PRKN: variants seen among roughly 807,000 people sequenced by gnomAD.
PRKN encodes the protein E3 ubiquitin-protein ligase parkin.
Under a neutral mutation model 59.5 loss-of-function variants are expected in PRKN, and 56 were observed. That is an observed-to-expected ratio of 0.94 (90% confidence interval 0.76 to 1.18). The LOEUF is 1.18. PRKN is among the 50% of genes most tolerant of loss of function. The pLI, the probability that PRKN is intolerant of heterozygous loss-of-function variation, is 0.00. For missense variants in PRKN, 657 were observed against 596.4 expected (o/e 1.10, Z -1.06); for synonymous variants, 250 against 222.1 (o/e 1.13, Z -1.12).
intron 6 of PRKN, among the ~76,000 whole-genome samples, chr6:161,875,914 T>G (rs917133856): frequency 6.6e-6 from 1 of 152,102 alleles, no homozygotes; most frequent in South Asian, 2.1e-4. Flanking sequence ...GGTGCCGTTA[T>G]GTAACCCATG....
At chr6:161,685,947 T>C (rs1175442914) in intron 7 of PRKN, among the ~76,000 whole-genome samples, 2 of 152,178 alleles carry the variant, frequency 1.3e-5, no homozygotes, top group Admixed American at 1.3e-4. Context: ...TGGCTCATCA[T>C]ATGTTTCCAA....
rs75053028 is a variant in PRKN, at chr6:162,406,232, C to G, written c.171+37078G>C. 2.2e-3 allele frequency among the ~76,000 whole-genome samples: 328 copies of G among 152,274 alleles called. 5 individuals carry two copies. The highest frequency in any genetic ancestry group is 0.015 in the East Asian group (80 of 5,170). ...GTTATTCCAAATGGACAGATGTGGA[C>G]ACTAAAACAGAGAGGTAAATTTTGA... On this transcript the variant is annotated intron_variant, in intron 2 of 11. Coordinates refer to ENST00000366898, the MANE Select transcript of PRKN (RefSeq NM_004562.3).
chr6:161,703,069 A>G (rs529938343), intron 7 of PRKN, among the ~76,000 whole-genome samples: 1 of 152,020 alleles, frequency 6.6e-6, no homozygotes, highest in East Asian at 1.9e-4. Context: ...AAAATGGATA[A>G]AAAGCAGGAG....
chr6:162,365,086 A>G (rs57709573), intron 2 of PRKN, among the ~76,000 whole-genome samples: 5 of 151,278 alleles, frequency 3.3e-5, no homozygotes, highest in African/African-American at 9.7e-5. Flanking sequence ...TTTTTTTACA[A>G]TCAGGAGTAT....
In PRKN at chr6:162,300,653, G is replaced by A. The variant is rs1052808796; in HGVS notation, c.172-37888C>T. Among the ~76,000 whole-genome samples the A allele has an allele frequency of 3.3e-5, 5 of 152,018 alleles. No homozygotes were observed. In the East Asian group the frequency reaches 7.7e-4, roughly 23 times the overall value. On this transcript the variant is annotated intron_variant, in intron 2 of 11. Coordinates refer to ENST00000366898, the MANE Select transcript of PRKN (RefSeq NM_004562.3). The stretch of plus-strand genomic sequence containing the variant: ...CACTTCTCTAAAGTTAACCTTTATC[G>A]GGCAAGCTCAGTCACTCAAGAAAGA...
At chr6:161,988,949 T>C (rs1028737062) in intron 5 of PRKN, among the ~76,000 whole-genome samples, 1 of 152,232 alleles carries the variant, frequency 6.6e-6, no homozygotes, top group Non-Finnish European at 1.5e-5. Flanking sequence ...GCTTTATCTT[T>C]TTTTTATACT....
intron 6 of PRKN, among the ~76,000 whole-genome samples, chr6:161,897,793 C>A (rs978508642): frequency 7.1e-6 from 1 of 141,662 alleles, no homozygotes; most frequent in South Asian, 2.4e-4. Flanking sequence ...CAAGGTGAAA[C>A]CCCGTCTCTA....
intron 7 of PRKN, among the ~76,000 whole-genome samples, chr6:161,634,488 C>T (rs1371045529): frequency 2.0e-5 from 3 of 152,212 alleles, no homozygotes; most frequent in South Asian, 2.1e-4. Context: ...CAACTTGCTG[C>T]AGGTCACACA....
chr6:161,966,432 C>G (rs1780583233), intron 6 of PRKN, among the ~76,000 whole-genome samples: 1 of 152,086 alleles, frequency 6.6e-6, no homozygotes, highest in African/African-American at 2.4e-5. Context: ...GAGGGTGAGC[C>G]CCAAGACACA....
intron 9 of PRKN, among the ~76,000 whole-genome samples, chr6:161,519,338 T>A (rs972583688): frequency 6.6e-6 from 1 of 152,168 alleles, no homozygotes; most frequent in African/African-American, 2.4e-5. Context: ...TTGCTCTGAA[T>A]GAGGAGACAG....
chr6:161,666,856 G>T (rs1582973476), intron 7 of PRKN, among the ~76,000 whole-genome samples: 1 of 152,124 alleles, frequency 6.6e-6, no homozygotes, highest in Admixed American at 6.5e-5. Context: ...TTTGCTGGCA[G>T]ACACTCAGCA....
At chr6:161,408,317 T>TAAA (rs35131999) in intron 9 of PRKN, among the ~76,000 whole-genome samples, 6 of 99,518 alleles carry the variant, frequency 6.0e-5, no homozygotes, top group African/African-American at 1.7e-4. Flanking sequence ...GAAAAACTGG[T>TAAA]AAAAAAAAAA....
intron 5 of PRKN, among the ~76,000 whole-genome samples, chr6:161,992,333 C>T (rs1781681406): frequency 6.6e-6 from 1 of 152,044 alleles, no homozygotes; most frequent in Admixed American, 6.6e-5. Flanking sequence ...GAGTGAGATT[C>T]TGTCTTTAAA....
intron 6 of PRKN, among the ~76,000 whole-genome samples, chr6:161,858,296 G>A (rs1416440183): frequency 6.6e-6 from 1 of 152,130 alleles, no homozygotes; most frequent in African/African-American, 2.4e-5. Flanking sequence ...GGGAATTTCT[G>A]CTTGCATGTA....
At chr6:162,643,702 T>A (rs1778057365) in intron 1 of PRKN, among the ~76,000 whole-genome samples, 1 of 152,174 alleles carries the variant, frequency 6.6e-6, no homozygotes, top group African/African-American at 2.4e-5. Context: ...ATTTTTAGCC[T>A]ATGAATATAG....
chr6:162,048,798 T>G (rs73030473), intron 5 of PRKN, among the ~76,000 whole-genome samples: 1 of 151,632 alleles, frequency 6.6e-6, no homozygotes, highest in Non-Finnish European at 1.5e-5. Flanking sequence ...CTGGGCTGCA[T>G]ACGGTGCCGT....
intron 6 of PRKN, among the ~76,000 whole-genome samples, chr6:161,943,986 T>C (rs1779675174): frequency 2.2e-5 from 1 of 44,592 alleles, no homozygotes; most frequent in Non-Finnish European, 4.7e-5. Context: ...GGAAGCAGCC[T>C]GAGGAAGGAG....
At chr6:161,996,932 T>C (rs547306278) in intron 5 of PRKN, among the ~76,000 whole-genome samples, 1 of 152,120 alleles carries the variant, frequency 6.6e-6, no homozygotes, top group South Asian at 2.1e-4. Flanking sequence ...CACTTACATG[T>C]GCCCCTTGAC....
intron 2 of PRKN, among the ~76,000 whole-genome samples, chr6:162,380,029 A>G (rs1441260301): frequency 6.6e-6 from 1 of 152,174 alleles, no homozygotes. Flanking sequence ...TTCAATATCC[A>G]GAGATAAACA....
Sources: allele counts gnomAD v4.1 joint callset (sites outside exome capture counted in the v4.1 genomes callset), GRCh38; gene constraint gnomAD v4.1.1; transcripts MANE v1.5; gene names NCBI Gene and HGNC (gene_info 2026-07-23, HGNC 2026-07-21).